SQOR: variants seen among roughly 807,000 people sequenced by gnomAD.
The protein encoded by SQOR is sulfide quinone oxidoreductase.
In SQOR, 39 loss-of-function variants were observed where a neutral mutation model predicts 48.6. The ratio of observed to expected loss-of-function variants is 0.80; its 90% confidence interval spans 0.62 to 1.05. SQOR has a LOEUF of 1.05. Among genes scored for constraint, SQOR ranks in the 50% least tolerant of loss-of-function variants. The pLI is 0.00. For missense variants in SQOR, 561 were observed against 559.9 expected (o/e 1.00, Z -0.02); for synonymous variants, 220 against 206.2 (o/e 1.07, Z -0.57).
intron 1 of SQOR, among the ~76,000 whole-genome samples, chr15:45,637,583 T>C (rs1895026480): frequency 6.6e-6 from 1 of 152,208 alleles, no homozygotes; most frequent in Non-Finnish European, 1.5e-5. Flanking sequence ...TGGGGCTTTT[T>C]TTCTGGCTGG....
intron 1 of SQOR, among the ~76,000 whole-genome samples, chr15:45,657,192 T>G (rs570857106): frequency 1.3e-4 from 20 of 152,256 alleles, no homozygotes; most frequent in African/African-American, 4.8e-4. Context: ...CCCAGTGTTT[T>G]GATATTTGCA....
intron 7 of SQOR, 123 bp from the exon 8 acceptor site, chr15:45,688,214 C>A: frequency 1.5e-6 from 1 of 654,506 alleles, no homozygotes; most frequent in South Asian, 2.0e-5. Context: ...AGGTCATGTT[C>A]TAGTCACAGT....
At chr15:45,681,343 A>G (rs1213941669) in intron 6 of SQOR, among the ~76,000 whole-genome samples, 1 of 152,222 alleles carries the variant, frequency 6.6e-6, no homozygotes, top group Non-Finnish European at 1.5e-5. Context: ...TCAGGGACCC[A>G]TGTGCCCAAG....
chr15:45,689,459 C>G (rs901740507), intron 9 of SQOR: 1 of 271,974 alleles, frequency 3.7e-6, no homozygotes, highest in Non-Finnish European at 6.9e-6. Flanking sequence ...GCTCTGTTGC[C>G]CAGGTTGGAG....
At chr15:45,646,425 T>A (rs928261615) in intron 1 of SQOR, among the ~76,000 whole-genome samples, 1 of 152,242 alleles carries the variant, frequency 6.6e-6, no homozygotes, top group Non-Finnish European at 1.5e-5. Context: ...TGACTTCACC[T>A]CTTGGAACTC....
chr15:45,667,327 A>G (rs1387003567), intron 3 of SQOR, among the ~76,000 whole-genome samples: 2 of 151,786 alleles, frequency 1.3e-5, no homozygotes, highest in African/African-American at 2.4e-5. Flanking sequence ...AAAAATTACT[A>G]TGAAATGTCT....
chr15:45,659,201 TGTGTGTGTGA>T (rs1254567874), intron 2 of SQOR, 44 bp downstream of exon 2: 3 of 1,413,786 alleles, frequency 2.1e-6, no homozygotes, highest in Admixed American at 2.6e-5. Flanking sequence ...TGTACGTGTG[TGTGTGTGTGA>T]GTGTGTGTGT....
At chr15:45,667,871 G>A (rs1294336544) in intron 3 of SQOR, among the ~76,000 whole-genome samples, 2 of 151,632 alleles carry the variant, frequency 1.3e-5, no homozygotes, top group South Asian at 2.1e-4. Flanking sequence ...GCCATTTAAC[G>A]GGCCTGGTGC....
At chr15:45,652,099 C>T (rs534452446) in intron 1 of SQOR, among the ~76,000 whole-genome samples, 1 of 152,122 alleles carries the variant, frequency 6.6e-6, no homozygotes, top group South Asian at 2.1e-4. Flanking sequence ...GTCTCAAATT[C>T]CTGACCTCAA....
chr15:45,654,217 A>G (rs1889554037), intron 1 of SQOR, among the ~76,000 whole-genome samples: 1 of 151,782 alleles, frequency 6.6e-6, no homozygotes, highest in African/African-American at 2.4e-5. Context: ...CACCTTCTCT[A>G]TAGGCAGGGT....
chr15:45,677,480 G>A (rs546397002), intron 6 of SQOR, among the ~76,000 whole-genome samples: 4 of 152,190 alleles, frequency 2.6e-5, no homozygotes, highest in Non-Finnish European at 4.4e-5. Flanking sequence ...TTTTCCTCCA[G>A]TGCAGGACTC....
chr15:45,662,869 G>T (rs577606108), intron 3 of SQOR, among the ~76,000 whole-genome samples: 1 of 152,280 alleles, frequency 6.6e-6, no homozygotes, highest in Admixed American at 6.5e-5. Flanking sequence ...GTGGTTTTTG[G>T]ACTCACAAGG....
At chr15:45,685,579 G>A (rs999842847) in intron 7 of SQOR, among the ~76,000 whole-genome samples, 14 of 152,136 alleles carry the variant, frequency 9.2e-5, no homozygotes, top group African/African-American at 3.4e-4. Flanking sequence ...AGTCCCGCAC[G>A]CCTGCACCCA....
intron 3 of SQOR, among the ~76,000 whole-genome samples, chr15:45,667,918 T>TTTC (rs1889865136): frequency 6.7e-6 from 1 of 148,470 alleles, no homozygotes; most frequent in Non-Finnish European, 1.5e-5. Context: ...ATACATCATC[T>TTTC]TTCTTTATTT....
At chr15:45,688,728 A>C (rs1168109038) in intron 8 of SQOR, among the ~76,000 whole-genome samples, 3 of 151,804 alleles carry the variant, frequency 2.0e-5, no homozygotes, top group Non-Finnish European at 1.5e-5. Flanking sequence ...GGTCAGGCTG[A>C]TCTCAAACTC....
intron 3 of SQOR, among the ~76,000 whole-genome samples, chr15:45,669,017 G>T (rs917887752): frequency 2.6e-5 from 4 of 151,794 alleles, no homozygotes; most frequent in African/African-American, 9.7e-5. Flanking sequence ...CCTTGAGATT[G>T]CTCAAAAGAG....
intron 3 of SQOR, 73 bp from the exon 4 acceptor site, chr15:45,669,855 C>A: frequency 2.3e-6 from 3 of 1,296,802 alleles, no homozygotes; most frequent in Middle Eastern, 3.7e-4. Flanking sequence ...GGAACCACAT[C>A]TGGGGCCTGA....
intron 3 of SQOR, among the ~76,000 whole-genome samples, chr15:45,663,878 C>G (rs1889765075): frequency 6.6e-6 from 1 of 152,176 alleles, no homozygotes; most frequent in Non-Finnish European, 1.5e-5. Context: ...TATTAAGCAT[C>G]TACTATAAGC....
chr15:45,645,907 G>C (rs758911540), intron 1 of SQOR: 3 of 152,210 alleles, frequency 2.0e-5, no homozygotes, highest in Non-Finnish European at 2.9e-5. Context: ...TGTTCCAGGA[G>C]GCAGCCAGCT....
Sources: gnomAD v4.1 joint callset for allele counts (sites outside exome capture counted in the v4.1 genomes callset) on GRCh38, gnomAD v4.1.1 for gene constraint, MANE v1.5 for transcripts, NCBI Gene and HGNC (gene_info 2026-07-23, HGNC 2026-07-21) for gene names.